The following HMCN1 variants were observed in gnomAD, a reference collection of about 807,000 sequenced individuals.
The protein encoded by HMCN1 is hemicentin 1, also known as hemicentin-1.
In HMCN1, 321 loss-of-function variants were observed where a neutral mutation model predicts 625.9. That is an observed-to-expected ratio of 0.51 (90% CI 0.47 to 0.56). The LOEUF is 0.56. Ranked by LOEUF, HMCN1 falls within the 20% of genes least tolerant of loss-of-function variation. The probability of loss-of-function intolerance (pLI) is 0.00; values close to 1 mark genes in which losing one functional copy is unlikely to be tolerated. For missense variants in HMCN1, 6,588 were observed against 6,887.3 expected (o/e 0.96, Z 1.54); for synonymous variants, 2,425 against 2,417.6 (o/e 1.00, Z -0.09).
intron 96 of HMCN1, 45 bp from the exon 97 acceptor site, chr1:186,153,705 T>C: frequency 2.0e-6 from 3 of 1,531,162 alleles, no homozygotes; most frequent in Non-Finnish European, 2.7e-6. Flanking sequence ...GGAAAAAAAT[T>C]AGTATGAGCC....
chr1:185,977,853 C>T lies in HMCN1; in HGVS notation c.2438C>T (p.Pro813Leu), dbSNP rs751309704. The T allele has an allele frequency of 6.2e-7, 1 of 1,612,630 alleles. No homozygotes were observed. Among genetic ancestry groups the T allele is most frequent in the Non-Finnish European group, 8.5e-7 (1 of 1,178,922 alleles). ...SMEIGSNVTLPCYVQGYPEPT... is the reference protein window; with the variant it reads ...SMEIGSNVTLLCYVQGYPEPT... ...GAAATTGGCTCAAATGTGACATTAC[C>T]TTGTTATGTTCAGGGTTATCCAGAA... The change falls in exon 16 of 107, where the codon CCT (proline) becomes CTT (leucine). Residue 813 changes from proline (P) to leucine (L), a missense_variant. By Grantham distance (98) the Pro-to-Leu change is moderately conservative. Transcript: ENST00000271588.
chr1:185,759,846 A>T (rs1655377697), intron 1 of HMCN1, among the ~76,000 whole-genome samples: 1 of 152,072 alleles, frequency 6.6e-6, no homozygotes, highest in Non-Finnish European at 1.5e-5. Flanking sequence ...ATGTAATGGG[A>T]TTGTGAATAT....
chr1:185,864,734 A>G (rs889491723), intron 3 of HMCN1, 106 bp downstream of exon 3: 36 of 977,282 alleles, frequency 3.7e-5, no homozygotes, highest in Middle Eastern at 2.1e-4. Flanking sequence ...AATTATAACT[A>G]TCTATCCACA....
At chr1:185,859,020 TGTGTGTGTG>T (rs1662690284) in intron 2 of HMCN1, among the ~76,000 whole-genome samples, 1 of 560 alleles carries the variant, frequency 1.8e-3, no homozygotes, top group African/African-American at 0.015. Context: ...GGGTTAAAGA[TGTGTGTGTG>T]TGTGTGTGTG....
intron 26 of HMCN1, 98 bp from the exon 27 acceptor site, chr1:186,001,200 A>G (rs1461003432): frequency 9.4e-7 from 1 of 1,063,042 alleles, no homozygotes; most frequent in East Asian, 2.6e-5. Context: ...CTAGCCATCA[A>G]ATATTTCAGA....
intron 11 of HMCN1, chr1:185,957,214 A>G (rs1490915376): frequency 1.3e-5 from 2 of 152,218 alleles, no homozygotes; most frequent in Non-Finnish European, 2.9e-5. Flanking sequence ...ATTTTAGAAC[A>G]AAATCTGGTA....
At chr1:186,181,727 A>C (rs1289046580) in intron 104 of HMCN1, among the ~76,000 whole-genome samples, 2 of 152,298 alleles carry the variant, frequency 1.3e-5, no homozygotes, top group East Asian at 1.9e-4. Context: ...AGAGAGCCAA[A>C]GTTTAAATAC....
At chr1:185,745,666 C>T (rs1459227198) in intron 1 of HMCN1, among the ~76,000 whole-genome samples, 1 of 152,170 alleles carries the variant, frequency 6.6e-6, no homozygotes, top group Non-Finnish European at 1.5e-5. Flanking sequence ...AGTCCAAGAG[C>T]CAGTCCTTGG....
At chr1:185,800,888 A>G (rs1187372413) in intron 1 of HMCN1, among the ~76,000 whole-genome samples, 1 of 152,198 alleles carries the variant, frequency 6.6e-6, no homozygotes, top group Admixed American at 6.5e-5. Flanking sequence ...TGTGTCAGCT[A>G]AGAAAGTAAA....
intron 37 of HMCN1, 82 bp from the exon 38 acceptor site, chr1:186,038,747 T>C: frequency 1.3e-6 from 1 of 794,160 alleles, no homozygotes; most frequent in East Asian, 2.6e-5. Flanking sequence ...AATAAAGTAA[T>C]AGTGACTTAG....
At chr1:185,896,534 A>T (rs1009294814) in intron 4 of HMCN1, among the ~76,000 whole-genome samples, 6 of 152,216 alleles carry the variant, frequency 3.9e-5, no homozygotes, top group Non-Finnish European at 8.8e-5. Flanking sequence ...TTTACATAGA[A>T]TTTATTACTG....
chr1:185,929,595 T>C (rs1667447520), intron 10 of HMCN1, among the ~76,000 whole-genome samples: 1 of 152,178 alleles, frequency 6.6e-6, no homozygotes, highest in African/African-American at 2.4e-5. Context: ...TTTATTACAA[T>C]GTCTATATTG....
intron 1 of HMCN1, among the ~76,000 whole-genome samples, chr1:185,783,882 A>G (rs1205024916): frequency 1.3e-5 from 2 of 152,132 alleles, no homozygotes; most frequent in African/African-American, 2.4e-5. Context: ...GCTGTTAGCC[A>G]CGGACTTTTA....
At chr1:186,046,294 C>A (rs1373862757) in intron 41 of HMCN1, among the ~76,000 whole-genome samples, 2 of 152,062 alleles carry the variant, frequency 1.3e-5, no homozygotes, top group African/African-American at 2.4e-5. Flanking sequence ...CATGGTGAAA[C>A]CCTGTCTCTA....
chr1:186,117,581 A>G lies in HMCN1; in HGVS notation c.11806A>G (p.Arg3936Gly). The G allele has an allele frequency of 6.2e-7, 1 of 1,613,934 alleles. No individual in the cohort carries two copies. Among genetic ancestry groups the G allele is most frequent in the African/African-American group, 1.3e-5 (1 of 75,034 alleles). Residue 3936 changes from arginine (R) to glycine (G), a missense_variant, in exon 77 of 107, where the codon AGA becomes GGA. This residue lies in a region of HMCN1 where 4,628 missense variants were observed against 4,853.1 expected (regional missense o/e 0.95). Coordinates refer to ENST00000271588, the MANE Select transcript of HMCN1 (RefSeq NM_031935.3). Reference sequence around the variant, plus strand: ...AATTCACTGGACCAAAAATGGTATAAGACTGCTTCCCAGGGGAGATGGCTA... The same window carrying G: ...AATTCACTGGACCAAAAATGGTATAGGACTGCTTCCCAGGGGAGATGGCTA... ...PSIHWTKNGI[R>G]LLPRGDGYRI... is the part of the protein sequence containing the mutation.
intron 99 of HMCN1, 24 bp downstream of exon 99, chr1:186,166,327 A>T (rs1651877447): frequency 6.2e-7 from 1 of 1,613,758 alleles, no homozygotes; most frequent in South Asian, 1.1e-5. Flanking sequence ...TAATACACAC[A>T]TTTAAGCAAT....
rs993503198 is a variant in HMCN1 at position 185,951,966 on chromosome 1, A to C, written c.1829-10552A>C. Among the ~76,000 whole-genome samples, 30 of 151,832 alleles carry C rather than the reference A, an allele frequency of 2.0e-4. 2 individuals are homozygous for C. The highest frequency in any genetic ancestry group is 7.0e-4 in the African/African-American group (29 of 41,240). On this transcript the variant is annotated intron_variant, in intron 11 of 106. Transcript: ENST00000271588. ...TTGAGGGCCGGAATTTAATTTTTGG[A>C]GTTTTATTTAATGTCGGGAGCAGAT...
intron 34 of HMCN1, among the ~76,000 whole-genome samples, 175 bp downstream of exon 34, chr1:186,018,527 G>C (rs897331876): frequency 6.6e-6 from 1 of 151,974 alleles, no homozygotes; most frequent in Non-Finnish European, 1.5e-5. Context: ...TTGACCCAGA[G>C]ACTCAACCAA....
At chr1:186,052,208 T>C (rs1411696467) in intron 42 of HMCN1, among the ~76,000 whole-genome samples, 4 of 151,824 alleles carry the variant, frequency 2.6e-5, no homozygotes, top group Non-Finnish European at 5.9e-5. Context: ...GGCTTTTACA[T>C]GGGATGGTTG....
Sources: gnomAD v4.1 joint callset for allele counts (sites outside exome capture counted in the v4.1 genomes callset) on GRCh38, gnomAD v4.1.1 for gene constraint, gnomAD v4.1.1 regional missense constraint, MANE v1.5 for transcripts, NCBI Gene and HGNC (gene_info 2026-07-23, HGNC 2026-07-21) for gene names.